The following SPIDR variants were observed in gnomAD, a reference collection of about 807,000 sequenced individuals.
SPIDR encodes the protein DNA repair-scaffolding protein.
SPIDR carries 93 observed loss-of-function variants against 104.6 expected under a neutral mutation model. The observed-to-expected ratio is 0.89, with a 90% CI of 0.75 to 1.06. The LOEUF is 1.06. SPIDR is among the 50% of genes least tolerant of loss of function. The probability of loss-of-function intolerance (pLI) is 0.00; values close to 1 mark genes in which losing one functional copy is unlikely to be tolerated. For missense variants in SPIDR, 1,154 were observed against 1,111.2 expected, an observed-to-expected ratio of 1.04 and a Z score of -0.55; for synonymous variants, 431 against 416.9, an observed-to-expected ratio of 1.03 and a Z score of -0.41.
intron 10 of SPIDR, among the ~76,000 whole-genome samples, chr8:47,619,948 G>T (rs1313719992): frequency 6.6e-6 from 1 of 152,200 alleles, no homozygotes; most frequent in African/African-American, 2.4e-5. Flanking sequence ...GGAAGGAAGA[G>T]AAGAAAGTTT....
At chr8:47,685,517 A>ATTTATTTTTTTTT (rs761792229) in intron 11 of SPIDR, among the ~76,000 whole-genome samples, 27 of 130,168 alleles carry the variant, frequency 2.1e-4, no homozygotes, top group Non-Finnish European at 3.7e-4. Context: ...TTATTTATTT[A>ATTTATTTTTTTTT]TTTTTTTGAG....
chr8:47,671,585 A>AAATAAATAAATAAAT, intron 10 of SPIDR, among the ~76,000 whole-genome samples: 1 of 142,712 alleles, frequency 7.0e-6, no homozygotes, highest in Non-Finnish European at 1.5e-5. Flanking sequence ...ACTCCATCTC[A>AAATAAATAAATAAAT]AAATAAATAA....
At chr8:47,466,920 G>GA (rs2074941313) in intron 8 of SPIDR, among the ~76,000 whole-genome samples, 1 of 101,536 alleles carries the variant, frequency 9.8e-6, no homozygotes, top group Non-Finnish European at 2.0e-5. Context: ...TATATAGATA[G>GA]ATAGATAGAT....
rs868950694 is a variant in SPIDR at position 47,264,939 on chromosome 8, C to T, written c.33+3948C>T. Among the ~76,000 whole-genome samples the T allele has an allele frequency of 1.9e-4, 29 of 152,222 alleles. 1 individual carries two copies. Among genetic ancestry groups the T allele is most frequent in the African/African-American group, 6.5e-4 (27 of 41,522 alleles). ...GATAATTAAAGAAATCATATGAGGA[C>T]AAAGATATTGTACATCCTCTACTGC... is the stretch of plus-strand genomic sequence containing the variant. On this transcript the variant is annotated intron_variant, in intron 1 of 19. Coordinates refer to ENST00000297423, the MANE Select transcript of SPIDR (RefSeq NM_001080394.4).
intron 5 of SPIDR, among the ~76,000 whole-genome samples, chr8:47,319,482 A>G (rs1243538260): frequency 1.3e-5 from 2 of 152,332 alleles, no homozygotes; most frequent in African/African-American, 4.8e-5. Flanking sequence ...TTAGACTCCC[A>G]CACAATAATA....
At chr8:47,397,453 G>T (rs2061366849) in intron 6 of SPIDR, among the ~76,000 whole-genome samples, 1 of 152,102 alleles carries the variant, frequency 6.6e-6, no homozygotes, top group African/African-American at 2.4e-5. Context: ...CTGAGATCGT[G>T]CCATTGCACT....
rs781907785 is a variant in SPIDR at position 47,276,505 on chromosome 8, G to A, written c.34-3357G>A. Among the ~76,000 whole-genome samples the A allele has an allele frequency of 5.3e-4, 80 of 152,142 alleles. 1 individual carries two copies. In the South Asian group the frequency reaches 0.014, roughly 26 times the overall value. On this transcript the variant is annotated intron_variant, in intron 1 of 19. Transcript: ENST00000297423. ...TCATTTACATATTATTAAAATGTAG[G>A]TAACAAATATACTTGTACATCTATA...
intron 5 of SPIDR, among the ~76,000 whole-genome samples, chr8:47,320,231 A>G (rs1373381205): frequency 6.6e-6 from 1 of 152,168 alleles, no homozygotes; most frequent in Non-Finnish European, 1.5e-5. Context: ...AGAGAGAAGA[A>G]TCAAATAGAT....
rs368997533 is a variant in SPIDR at position 47,283,104 on chromosome 8, C to G, written c.190-924C>G. Among the ~76,000 whole-genome samples, 395 of 152,280 alleles carry G rather than the reference C, an allele frequency of 2.6e-3. 3 individuals carry two copies. The highest frequency in any genetic ancestry group is 4.8e-3 in the Admixed American group (74 of 15,292). The stretch of plus-strand genomic sequence containing the variant: ...CTCCTGATCTCAGGTGATTTACTTG[C>G]GTTGGCCTCCCAGAGTTCTGGGATT... On this transcript the variant is annotated intron_variant, in intron 2 of 19. Coordinates refer to ENST00000297423, the MANE Select transcript of SPIDR (RefSeq NM_001080394.4).
chr8:47,386,709 A>G (rs1197786810), intron 5 of SPIDR, among the ~76,000 whole-genome samples: 1 of 152,224 alleles, frequency 6.6e-6, no homozygotes, highest in Non-Finnish European at 1.5e-5. Context: ...TTCAGTTGTG[A>G]GAAATAAATG....
chr8:47,560,585 C>G (rs1041441855), intron 8 of SPIDR, among the ~76,000 whole-genome samples: 3 of 152,190 alleles, frequency 2.0e-5, no homozygotes, highest in African/African-American at 7.2e-5. Flanking sequence ...AGTGTGACTG[C>G]TTTTACATGT....
At chr8:47,322,726 G>T (rs2046925140) in intron 5 of SPIDR, among the ~76,000 whole-genome samples, 2 of 152,102 alleles carry the variant, frequency 1.3e-5, no homozygotes, top group Admixed American at 1.3e-4. Flanking sequence ...AAGAAAATGT[G>T]GCACATATAC....
At chr8:47,422,462 G>T (rs782625183) in intron 7 of SPIDR, among the ~76,000 whole-genome samples, 1 of 152,206 alleles carries the variant, frequency 6.6e-6, no homozygotes, top group Non-Finnish European at 1.5e-5. Flanking sequence ...TTGGAAAAGC[G>T]CAGTATTAGG....
At chr8:47,519,389 C>T (rs978549314) in intron 8 of SPIDR, among the ~76,000 whole-genome samples, 2 of 152,296 alleles carry the variant, frequency 1.3e-5, no homozygotes, top group East Asian at 3.9e-4. Context: ...AGGTGACACA[C>T]CTACCTCAGT....
chr8:47,406,798 GTTAGT>G (rs2062818191), intron 6 of SPIDR, among the ~76,000 whole-genome samples: 1 of 152,258 alleles, frequency 6.6e-6, no homozygotes, highest in Non-Finnish European at 1.5e-5. Flanking sequence ...TCCTCATCTG[GTTAGT>G]TACGTAATGC....
Position 47,666,920 on chromosome 8 carries a change from T to G in SPIDR, c.1545-6881T>G, listed in dbSNP as rs549140688. Among the ~76,000 whole-genome samples the G allele has an allele frequency of 2.0e-5, 3 of 152,330 alleles. No homozygotes were observed. The South Asian group carries it at 6.2e-4, about 32-fold the overall frequency. On this transcript the variant is annotated intron_variant, in intron 10 of 19. Transcript: ENST00000297423. Reference sequence around the variant, plus strand: ...AACTGATAATAAAAATACTAAATATTAAAATTTATGTGATGTCATTAACTT... The same window carrying G: ...AACTGATAATAAAAATACTAAATATGAAAATTTATGTGATGTCATTAACTT...
At chr8:47,682,783 G>A (rs1487438) in intron 11 of SPIDR, among the ~76,000 whole-genome samples, 21,931 of 152,164 alleles carry the variant, frequency 0.14, 2,474 homozygotes, top group African/African-American at 0.29. Flanking sequence ...ACCTTGGCCA[G>A]TAAGGGTATT....
At chr8:47,547,241 C>T (rs1050424804) in intron 8 of SPIDR, 13 of 625,118 alleles carry the variant, frequency 2.1e-5, no homozygotes, top group Middle Eastern at 2.8e-4. Flanking sequence ...TACTTGGGCT[C>T]CTCAGGTGTA....
chr8:47,511,691 C>T (rs2082349204), intron 8 of SPIDR: 5 of 942,278 alleles, frequency 5.3e-6, no homozygotes, highest in East Asian at 4.8e-5. Flanking sequence ...TAGCCATCTC[C>T]GGCAAATGGT....
Sources: allele counts gnomAD v4.1 joint callset (sites outside exome capture counted in the v4.1 genomes callset), GRCh38; gene constraint gnomAD v4.1.1; transcripts MANE v1.5; gene names NCBI Gene and HGNC (gene_info 2026-07-23, HGNC 2026-07-21).